The following SUGCT variants were observed in gnomAD, a reference collection of about 807,000 sequenced individuals.
SUGCT encodes succinyl-CoA:glutarate CoA-transferase.
Under a neutral mutation model 55.0 loss-of-function variants are expected in SUGCT, and 41 were observed. The observed-to-expected ratio is 0.74, with a 90% CI of 0.58 to 0.97. The LOEUF is 0.97. Ranked by LOEUF, SUGCT falls within the 50% of genes least tolerant of loss-of-function variation. SUGCT has a pLI of 0.00. For synonymous variants in SUGCT, 187 were observed against 200.4 expected (o/e 0.93, Z 0.56); for missense variants, 568 against 547.8 (o/e 1.04, Z -0.37).
At chr7:40,612,174 C>T (rs1338054418) in intron 12 of SUGCT, among the ~76,000 whole-genome samples, 1 of 152,118 alleles carries the variant, frequency 6.6e-6, no homozygotes, top group Non-Finnish European at 1.5e-5. Flanking sequence ...CTGCGAGAAC[C>T]TTTAGTCCTA....
chr7:40,893,771 C>T, the SUGCT span, among the ~76,000 whole-genome samples: 1 of 152,096 alleles, frequency 6.6e-6, no homozygotes, highest in Admixed American at 6.6e-5. Context: ...TCAAACTATA[C>T]TACAAGAGGC....
chr7:40,259,331 T>G (rs1246217188), intron 7 of SUGCT, among the ~76,000 whole-genome samples: 1 of 152,216 alleles, frequency 6.6e-6, no homozygotes, highest in East Asian at 1.9e-4. Flanking sequence ...GTTTTTTCAA[T>G]CAAATGCAGC....
intron 12 of SUGCT, among the ~76,000 whole-genome samples, chr7:40,526,897 T>C (rs955367491): frequency 6.6e-6 from 1 of 152,200 alleles, no homozygotes; most frequent in Non-Finnish European, 1.5e-5. Context: ...CCAGAAGATG[T>C]GAATAAAAAC....
At chr7:40,709,574 G>C (rs2128670139) in intron 12 of SUGCT, among the ~76,000 whole-genome samples, 1 of 152,302 alleles carries the variant, frequency 6.6e-6, no homozygotes, top group African/African-American at 2.4e-5. Flanking sequence ...TGGCTTCCCA[G>C]GCATCTCTCC....
intron 12 of SUGCT, among the ~76,000 whole-genome samples, chr7:40,530,340 A>G (rs1794018278): frequency 6.6e-6 from 1 of 152,234 alleles, no homozygotes; most frequent in Non-Finnish European, 1.5e-5. Context: ...CATAATATAT[A>G]GTTTAGACTA....
chr7:40,177,452 A>T (rs1034622985), intron 1 of SUGCT, among the ~76,000 whole-genome samples: 14 of 152,192 alleles, frequency 9.2e-5, no homozygotes, highest in Non-Finnish European at 1.2e-4. Context: ...GGGTTGTCCG[A>T]TTTCACAAAT....
At chr7:40,541,207 A>G (rs1794657168) in intron 12 of SUGCT, among the ~76,000 whole-genome samples, 1 of 150,464 alleles carries the variant, frequency 6.6e-6, no homozygotes, top group Non-Finnish European at 1.5e-5. Flanking sequence ...AATGAAAGCA[A>G]TAATAAGATG....
intron 6 of SUGCT, among the ~76,000 whole-genome samples, chr7:40,218,768 C>G (rs1437912715): frequency 6.6e-6 from 1 of 152,108 alleles, no homozygotes; most frequent in African/African-American, 2.4e-5. Flanking sequence ...CATTCTGTGT[C>G]TAGCCAAAGG....
At chr7:40,770,337 C>T (rs903598950) in intron 13 of SUGCT, among the ~76,000 whole-genome samples, 1 of 152,102 alleles carries the variant, frequency 6.6e-6, no homozygotes, top group Non-Finnish European at 1.5e-5. Context: ...GGCAGTTCAG[C>T]GCTGGTATGA....
chr7:40,565,897 A>C (rs998715725), intron 12 of SUGCT, among the ~76,000 whole-genome samples: 5 of 151,836 alleles, frequency 3.3e-5, no homozygotes, highest in Non-Finnish European at 5.9e-5. Flanking sequence ...TGTCACCTCA[A>C]CAGAGAGGTT....
At chr7:40,899,519 C>T in the SUGCT span, among the ~76,000 whole-genome samples, 2 of 152,064 alleles carry the variant, frequency 1.3e-5, no homozygotes, top group Non-Finnish European at 2.9e-5. Context: ...AAGAGCACAA[C>T]GAAAAATACA....
chr7:40,335,110 A>C (rs1394827849), intron 9 of SUGCT, among the ~76,000 whole-genome samples: 3 of 152,134 alleles, frequency 2.0e-5, no homozygotes, highest in Non-Finnish European at 2.9e-5. Flanking sequence ...CCATTGGTCT[A>C]TATCTCTGTT....
At chr7:40,495,392 C>T (rs1791915522) in intron 11 of SUGCT, among the ~76,000 whole-genome samples, 1 of 152,006 alleles carries the variant, frequency 6.6e-6, no homozygotes. Flanking sequence ...ACATTTTAGT[C>T]TACTTTGGCT....
At chr7:40,371,462 T>A (rs372079342) in intron 9 of SUGCT, among the ~76,000 whole-genome samples, 28 of 152,154 alleles carry the variant, frequency 1.8e-4, no homozygotes, top group Non-Finnish European at 3.2e-4. Flanking sequence ...AATGCAGCTG[T>A]GGAGTCCGGT....
chr7:40,561,698 T>C (rs1795845627), intron 12 of SUGCT, among the ~76,000 whole-genome samples: 1 of 146,826 alleles, frequency 6.8e-6, no homozygotes. Context: ...CTTTTTTTTT[T>C]TTTTTTTTTT....
At chr7:40,378,075 C>G (rs980161259) in intron 9 of SUGCT, among the ~76,000 whole-genome samples, 1 of 151,906 alleles carries the variant, frequency 6.6e-6, no homozygotes, top group Admixed American at 6.6e-5. Context: ...TAGTATGGAA[C>G]CACCTTGGAG....
intron 12 of SUGCT, among the ~76,000 whole-genome samples, chr7:40,723,416 G>C (rs959621206): frequency 2.6e-5 from 4 of 152,120 alleles, no homozygotes; most frequent in African/African-American, 9.7e-5. Context: ...CTTTCCAGCG[G>C]GTGTAGGGGC....
intron 7 of SUGCT, among the ~76,000 whole-genome samples, chr7:40,249,826 G>A (rs928934388): frequency 1.2e-4 from 18 of 151,868 alleles, no homozygotes; most frequent in Non-Finnish European, 2.1e-4. Flanking sequence ...TCACTTTGTC[G>A]CCTAGTCTGG....
At chr7:40,154,885 G>A (rs537759960) in intron 1 of SUGCT, among the ~76,000 whole-genome samples, 7 of 152,316 alleles carry the variant, frequency 4.6e-5, no homozygotes, top group African/African-American at 1.7e-4. Flanking sequence ...ATGCACATCT[G>A]TTATTCAGAT....
Sources: allele counts gnomAD v4.1 joint callset (sites outside exome capture counted in the v4.1 genomes callset), GRCh38; gene constraint gnomAD v4.1.1; transcripts MANE v1.5; gene names NCBI Gene and HGNC (gene_info 2026-07-23, HGNC 2026-07-21).